The following TMTC4 variants were observed in gnomAD, a reference collection of about 807,000 sequenced individuals.
The protein encoded by TMTC4 is transmembrane O-mannosyltransferase targeting cadherins 4.
Under a neutral mutation model 86.0 loss-of-function variants are expected in TMTC4, and 65 were observed. That is an observed-to-expected ratio of 0.76 (90% CI 0.62 to 0.93). TMTC4 has a LOEUF of 0.93. Ranked by LOEUF, TMTC4 falls within the 40% of genes least tolerant of loss-of-function variation. The probability of loss-of-function intolerance (pLI) is 0.00; values close to 1 mark genes in which losing one functional copy is unlikely to be tolerated. For missense variants in TMTC4, 866 were observed against 948.1 expected (o/e 0.91, Z 1.14); for synonymous variants, 379 against 382.5 (o/e 0.99, Z 0.11).
rs1191834224 is a variant in TMTC4 at position 100,638,039 on chromosome 13, A to G, written c.742-17T>C. On this transcript the variant is annotated splice_polypyrimidine_tract_variant and intron_variant, in intron 7 of 18. Coordinates refer to ENST00000342624, the MANE Select transcript of TMTC4 (RefSeq NM_032813.5). Reference sequence around the variant, plus strand: ...ATTTAAACCCTAAGAAAGCAAAGCAAGACAATCAGCCACGGGAGAGCTTGG... The same window carrying G: ...ATTTAAACCCTAAGAAAGCAAAGCAGGACAATCAGCCACGGGAGAGCTTGG... 4 of 1,609,138 alleles carry G rather than the reference A, an allele frequency of 2.5e-6. No individual in the cohort carries two copies. The highest frequency in any genetic ancestry group is 3.4e-6 in the Non-Finnish European group (4 of 1,176,630).
At position 100,637,606 on chromosome 13, in the gene TMTC4, C is replaced by T. The variant is rs1166169192; in HGVS notation, c.931G>A (p.Gly311Ser). 6.2e-7 allele frequency: 1 copy of T among 1,614,030 alleles called. No homozygotes were observed. Among genetic ancestry groups the T allele is most frequent in the African/African-American group, 1.3e-5 (1 of 74,922 alleles). The change falls in exon 9 of 19, where the codon GGC (glycine) becomes AGC (serine). Residue 311 changes from glycine (G) to serine (S), a missense_variant. Coordinates refer to ENST00000342624, the MANE Select transcript of TMTC4 (RefSeq NM_032813.5). ...TCGGTGAAGGCCGGCGGGCCCGTGC[C>T]CATGATCCTCCAGCGCACGTAGAGC... ...GMLYVRWRIM[G>S]TGPPAFTEVD...
intron 13 of TMTC4, 30 bp downstream of exon 13, chr13:100,626,041 T>C (rs1268647298): frequency 6.2e-7 from 1 of 1,612,672 alleles, no homozygotes; most frequent in Non-Finnish European, 8.5e-7. Flanking sequence ...TCTGTGTACA[T>C]AATTCTTCTG....
rs760763096 is a variant in TMTC4, at chr13:100,637,572, T to C, written c.965A>G (p.Asn322Ser). The C allele has an allele frequency of 1.2e-6, 2 of 1,613,846 alleles. No homozygotes were observed. Among genetic ancestry groups the C allele is most frequent in the African/African-American group, 2.7e-5 (2 of 74,870 alleles). Residue 322 changes from asparagine to serine, a missense_variant, in exon 9 of 19, where the codon AAC (asparagine) becomes AGC (serine). Asn to Ser is a conservative substitution (Grantham distance 46). Transcript: ENST00000342624. ...CATGCTGTCAGCAAAGGAGGCCGGG[T>C]TGTCCACCTCGGTGAAGGCCGGCGG... ...TGPPAFTEVD[N>S]PASFADSMLV... is the part of the protein sequence containing the mutation.
intron 17 of TMTC4, among the ~76,000 whole-genome samples, chr13:100,611,870 A>G (rs919372383): frequency 6.6e-6 from 1 of 152,196 alleles, no homozygotes; most frequent in African/African-American, 2.4e-5. Context: ...GGTGGCCTAT[A>G]TAACTCAGAT....
intron 1 of TMTC4, among the ~76,000 whole-genome samples, chr13:100,671,616 T>C (rs545869439): frequency 5.3e-5 from 8 of 152,234 alleles, no homozygotes; most frequent in Admixed American, 2.0e-4. Context: ...GATCTCCTCC[T>C]CTGCTCTTGC....
intron 1 of TMTC4, among the ~76,000 whole-genome samples, chr13:100,671,062 T>G (rs1887030444): frequency 6.6e-6 from 1 of 152,188 alleles, no homozygotes. Flanking sequence ...AACAAATAAT[T>G]TATAGCAATT....
rs34662519 is a variant in TMTC4, at chr13:100,619,328, GACACACACACACACACACACACAC to G, written c.1837-4922_1837-4899del. ...TCAATTTGCATAGTTAATAAAAGCAGACACACACACACACACACACACACACACACACACACACACACACACAGT... is the reference window on the plus strand; with the variant it reads ...TCAATTTGCATAGTTAATAAAAGCAGACACACACACACACACACACACAGT... On this transcript the variant is annotated intron_variant, in intron 15 of 18. Transcript: ENST00000342624. Among the ~76,000 whole-genome samples, 15 of 146,020 alleles carry G rather than the reference GACACACACACACACACACACACAC, an allele frequency of 1.0e-4. No homozygotes were observed. In the East Asian group the frequency reaches 1.2e-3, roughly 12 times the overall value.
chr13:100,604,159 G>A lies in TMTC4; in HGVS notation c.*835C>T, dbSNP rs1876227885. 6.6e-6 allele frequency: 1 copy of A among 152,618 alleles called. No homozygotes were observed. The highest frequency in any genetic ancestry group is 1.5e-5 in the Non-Finnish European group (1 of 68,032). The allele number at this position is 152,618 out of a possible 1,614,324, so 9.5% of individuals were successfully genotyped here. On this transcript the variant is annotated 3_prime_UTR_variant, in exon 19 of 19. Coordinates refer to ENST00000342624, the MANE Select transcript of TMTC4 (RefSeq NM_032813.5). ...TGTCTGTAGTTACATTAAGCAAAATGGAAAACGGCCTTCAGATAAACACAC... is the reference window on the plus strand; with the variant it reads ...TGTCTGTAGTTACATTAAGCAAAATAGAAAACGGCCTTCAGATAAACACAC...
At chr13:100,643,606 G>A (rs1315217329) in intron 6 of TMTC4, among the ~76,000 whole-genome samples, 1 of 152,222 alleles carries the variant, frequency 6.6e-6, no homozygotes, top group Non-Finnish European at 1.5e-5. Context: ...GGGTAGAGGA[G>A]GGAGAAAGTC....
intron 5 of TMTC4, among the ~76,000 whole-genome samples, chr13:100,660,320 G>C (rs544724174): frequency 7.6e-6 from 1 of 131,368 alleles, no homozygotes; most frequent in Non-Finnish European, 1.6e-5. Context: ...GACAGAGTGA[G>C]ACTGTGTATC....
Position 100,674,761 on chromosome 13 carries a change from C to A in TMTC4, c.-225G>T. 2.0e-6 allele frequency: 2 copies of A among 983,828 alleles called. No individual in the cohort carries two copies. Among genetic ancestry groups the A allele is most frequent in the Non-Finnish European group, 2.4e-6 (2 of 829,312 alleles). 60.9% of individuals were successfully genotyped at this position (983,828 alleles called of 1,614,324 possible). A position where few individuals can be genotyped will look rare whatever the true frequency, so the allele number is the denominator to read the frequency against. ...CGCGTTACCTGCAAGGAGCCTGAGCCCCGGCCGCATCTCCCTCCCGGGTGC... is the reference window on the plus strand; with the variant it reads ...CGCGTTACCTGCAAGGAGCCTGAGCACCGGCCGCATCTCCCTCCCGGGTGC... On this transcript the variant is annotated 5_prime_UTR_variant, in exon 1 of 19. Transcript: ENST00000342624.
chr13:100,617,292 G>T (rs527402586), intron 15 of TMTC4, among the ~76,000 whole-genome samples: 1 of 152,186 alleles, frequency 6.6e-6, no homozygotes, highest in African/African-American at 2.4e-5. Flanking sequence ...ATACCACGAT[G>T]CCCAGCTAAT....
At chr13:100,645,272 T>G (rs570381913) in intron 6 of TMTC4, among the ~76,000 whole-genome samples, 6 of 152,238 alleles carry the variant, frequency 3.9e-5, no homozygotes, top group Non-Finnish European at 8.8e-5. Context: ...CACTGCCCAC[T>G]TGCAGGTTCT....
At chr13:100,610,300 T>A (rs1231834046) in intron 17 of TMTC4, among the ~76,000 whole-genome samples, 1 of 152,116 alleles carries the variant, frequency 6.6e-6, no homozygotes, top group Non-Finnish European at 1.5e-5. Context: ...AGGAAACACG[T>A]CCCCTCACTA....
chr13:100,673,464 G>A (rs138993073), intron 1 of TMTC4, among the ~76,000 whole-genome samples: 6 of 152,198 alleles, frequency 3.9e-5, no homozygotes, highest in Non-Finnish European at 8.8e-5. Flanking sequence ...ACGCTGAGAG[G>A]TGACAGCGCC....
At chr13:100,609,180 C>T (rs1488305130) in intron 17 of TMTC4, among the ~76,000 whole-genome samples, 2 of 152,170 alleles carry the variant, frequency 1.3e-5, no homozygotes, top group African/African-American at 4.8e-5. Flanking sequence ...GTGGGCCCCA[C>T]CCTCTAACAT....
chr13:100,648,582 C>T (rs1022652403), intron 6 of TMTC4, among the ~76,000 whole-genome samples: 2 of 152,146 alleles, frequency 1.3e-5, no homozygotes, highest in East Asian at 3.9e-4. Context: ...TGTTTGTATC[C>T]AGCTCTGTCC....
intron 12 of TMTC4, among the ~76,000 whole-genome samples, chr13:100,633,290 C>T (rs948492084): frequency 8.2e-5 from 10 of 121,482 alleles, no homozygotes; most frequent in African/African-American, 3.3e-4. Flanking sequence ...GCCTGGGCAA[C>T]AGAGCAAGAC....
chr13:100,630,273 A>G (rs1369663771), intron 12 of TMTC4, among the ~76,000 whole-genome samples: 2 of 152,158 alleles, frequency 1.3e-5, no homozygotes, highest in East Asian at 3.8e-4. Flanking sequence ...AATATGCAGC[A>G]GTGCATATTA....
Sources: allele counts gnomAD v4.1 joint callset (sites outside exome capture counted in the v4.1 genomes callset), GRCh38; gene constraint gnomAD v4.1.1; transcripts MANE v1.5; gene names NCBI Gene and HGNC (gene_info 2026-07-23, HGNC 2026-07-21).